The following MDGA2 variants were observed in gnomAD, a reference collection of about 807,000 sequenced individuals.
MDGA2 encodes the protein MAM domain containing glycosylphosphatidylinositol anchor 2, also known as MAM domain-containing glycosylphosphatidylinositol anchor protein 2.
Under a neutral mutation model 117.8 loss-of-function variants are expected in MDGA2, and 40 were observed. That is an observed-to-expected ratio of 0.34 (90% CI 0.26 to 0.44). MDGA2 has a LOEUF of 0.44. Ranked by LOEUF, MDGA2 falls within the 20% of genes least tolerant of loss-of-function variation. The pLI is 1.00. For missense variants in MDGA2, 1,123 were observed against 1,250.6 expected, an observed-to-expected ratio of 0.90 and a Z score of 1.54; for synonymous variants, 452 against 439.0, an observed-to-expected ratio of 1.03 and a Z score of -0.37.
chr14:47,576,231 G>A (rs1896113431), intron 1 of MDGA2, among the ~76,000 whole-genome samples: 1 of 151,962 alleles, frequency 6.6e-6, no homozygotes, highest in South Asian at 2.1e-4. Context: ...TATTTAAGCT[G>A]TAAGCAAAAA....
chr14:47,541,999 C>T (rs182748297), intron 1 of MDGA2, among the ~76,000 whole-genome samples: 1 of 152,278 alleles, frequency 6.6e-6, no homozygotes, highest in African/African-American at 2.4e-5. Context: ...GCATTATCAT[C>T]TACTTTCCTT....
chr14:47,189,287 G>A (rs571290335), intron 3 of MDGA2, among the ~76,000 whole-genome samples: 4 of 151,912 alleles, frequency 2.6e-5, no homozygotes, highest in South Asian at 2.1e-4. Context: ...CAATTTTATC[G>A]GTGCTGCTAC....
intron 8 of MDGA2, among the ~76,000 whole-genome samples, chr14:46,959,303 G>GT (rs1491164513): frequency 4.4e-5 from 4 of 91,804 alleles, no homozygotes; most frequent in East Asian, 6.8e-4. Flanking sequence ...GTGTGTGTGT[G>GT]GATACATACA....
intron 3 of MDGA2, among the ~76,000 whole-genome samples, chr14:47,191,439 A>T (rs569455918): frequency 6.9e-6 from 1 of 144,092 alleles, no homozygotes; most frequent in Admixed American, 6.9e-5. Flanking sequence ...TATATATATG[A>T]AAATTCTAGA....
intron 3 of MDGA2, among the ~76,000 whole-genome samples, chr14:47,155,049 G>A (rs1883312688): frequency 6.6e-6 from 1 of 152,092 alleles, no homozygotes; most frequent in Non-Finnish European, 1.5e-5. Context: ...ACCTCCCTAG[G>A]GAAAAGAGCT....
chr14:47,162,181 G>C (rs906977475), intron 3 of MDGA2, among the ~76,000 whole-genome samples: 1 of 151,822 alleles, frequency 6.6e-6, no homozygotes, highest in Non-Finnish European at 1.5e-5. Context: ...TCCCGACCTC[G>C]TGTTCTGCAT....
intron 1 of MDGA2, among the ~76,000 whole-genome samples, chr14:47,502,702 T>C (rs897149684): frequency 6.6e-6 from 1 of 152,132 alleles, no homozygotes; most frequent in Non-Finnish European, 1.5e-5. Context: ...AGAGTCTCAC[T>C]GTGTCACCCA....
intron 1 of MDGA2, among the ~76,000 whole-genome samples, chr14:47,509,835 C>G (rs1389898078): frequency 6.6e-6 from 1 of 152,198 alleles, no homozygotes; most frequent in African/African-American, 2.4e-5. Flanking sequence ...CACAGATTCA[C>G]AGCTTGACAG....
chr14:47,318,152 G>A (rs1889865556), intron 1 of MDGA2, among the ~76,000 whole-genome samples: 1 of 144,220 alleles, frequency 6.9e-6, no homozygotes, highest in Non-Finnish European at 1.6e-5. Context: ...AATCTCCAGG[G>A]AGAACACTAG....
At chr14:47,387,617 C>G (rs1004186032) in intron 1 of MDGA2, among the ~76,000 whole-genome samples, 1 of 152,114 alleles carries the variant, frequency 6.6e-6, no homozygotes, top group Non-Finnish European at 1.5e-5. Context: ...GTAAATCAAC[C>G]AAGATACTCA....
At chr14:47,487,562 CA>C (rs1566481172) in intron 1 of MDGA2, among the ~76,000 whole-genome samples, 1 of 152,106 alleles carries the variant, frequency 6.6e-6, no homozygotes, top group African/African-American at 2.4e-5. Context: ...TATTAATATT[CA>C]ATATTCCTAG....
At chr14:47,574,773 T>C (rs1013239077) in intron 1 of MDGA2, among the ~76,000 whole-genome samples, 1 of 152,234 alleles carries the variant, frequency 6.6e-6, no homozygotes, top group Admixed American at 6.5e-5. Flanking sequence ...CTGTTAGCTC[T>C]GTTTACAGAT....
At chr14:47,336,425 A>G (rs1260389869) in intron 1 of MDGA2, among the ~76,000 whole-genome samples, 1 of 151,994 alleles carries the variant, frequency 6.6e-6, no homozygotes, top group Non-Finnish European at 1.5e-5. Flanking sequence ...AATAGAACTG[A>G]GAAGATATGT....
At chr14:47,443,817 C>T (rs897273262) in intron 1 of MDGA2, among the ~76,000 whole-genome samples, 10 of 152,096 alleles carry the variant, frequency 6.6e-5, no homozygotes, top group East Asian at 1.9e-4. Flanking sequence ...GTTGGAATTT[C>T]GGCATCCATA....
At chr14:47,617,103 T>A (rs114637516) in intron 1 of MDGA2, among the ~76,000 whole-genome samples, 11 of 152,170 alleles carry the variant, frequency 7.2e-5, no homozygotes, top group African/African-American at 2.7e-4. Context: ...ATTCAACTCA[T>A]ATGCCTACAA....
chr14:47,396,810 G>A (rs1348567604), intron 1 of MDGA2, among the ~76,000 whole-genome samples: 1 of 152,114 alleles, frequency 6.6e-6, no homozygotes, highest in East Asian at 1.9e-4. Flanking sequence ...GGTTAGAATG[G>A]CGATCCTTAA....
intron 1 of MDGA2, among the ~76,000 whole-genome samples, chr14:47,522,153 T>C (rs1268886416): frequency 6.6e-6 from 1 of 152,166 alleles, no homozygotes; most frequent in Non-Finnish European, 1.5e-5. Context: ...TATAAACCAA[T>C]GGTTAGAAAA....
chr14:47,600,409 G>A (rs540040383), intron 1 of MDGA2, among the ~76,000 whole-genome samples: 10 of 151,950 alleles, frequency 6.6e-5, no homozygotes, highest in Admixed American at 3.3e-4. Flanking sequence ...ACTCCAGCTC[G>A]GATGACAGAG....
In MDGA2 at chr14:47,661,752, T is replaced by TC. The variant is rs1372115202; in HGVS notation, c.280+12764_280+12765insG. On this transcript the variant is annotated intron_variant, in intron 1 of 16. Transcript: ENST00000399232. ...AACGAAGTAATCAGAGTTTCTTTTTTTTTTTTTTTTTTTTTTGAGACAGAG... is the reference window on the plus strand; with the variant it reads ...AACGAAGTAATCAGAGTTTCTTTTTTCTTTTTTTTTTTTTTTTGAGACAGAG... 2.0e-4 allele frequency among the ~76,000 whole-genome samples: 29 copies of TC among 145,856 alleles called. No homozygotes were observed. The East Asian group carries it at 5.4e-3, about 27-fold the overall frequency.
Sources: gnomAD v4.1 joint callset for allele counts (sites outside exome capture counted in the v4.1 genomes callset) on GRCh38, gnomAD v4.1.1 for gene constraint, MANE v1.5 for transcripts, NCBI Gene and HGNC (gene_info 2026-07-23, HGNC 2026-07-21) for gene names.